Variants in MLF1 observed in about 807,000 individuals in gnomAD.
MLF1 encodes the protein myelodysplasia-myeloid leukemia factor 1.
A neutral mutation model predicts 38.3 loss-of-function variants in MLF1; 37 were observed. That is an observed-to-expected ratio of 0.96 (90% CI 0.74 to 1.27). The LOEUF is 1.27. MLF1 is among the 50% of genes most tolerant of loss of function. The probability of loss-of-function intolerance (pLI) is 0.00; values close to 1 mark genes in which losing one functional copy is unlikely to be tolerated. For synonymous variants in MLF1, 95 were observed against 106.5 expected (o/e 0.89, Z 0.66); for missense variants, 331 against 349.2 (o/e 0.95, Z 0.42).
chr3:158,584,388 A>G (rs1022963091), intron 1 of MLF1, among the ~76,000 whole-genome samples: 2 of 152,162 alleles, frequency 1.3e-5, no homozygotes, highest in African/African-American at 2.4e-5. Context: ...TTAATTACCT[A>G]TTTTTAAAAA....
rs1338107858 is a variant in MLF1 at position 158,592,571 on chromosome 3, A to G, written c.185A>G (p.Asp62Gly). 1 of 1,602,004 alleles carries G rather than the reference A, an allele frequency of 6.2e-7. No individual in the cohort carries two copies. The highest frequency in any genetic ancestry group is 8.5e-7 in the Non-Finnish European group (1 of 1,176,908). ...HNRRGHNDGE[D>G]SLTATSCSLV... ...CGTAGAGGACATAATGATGGTGAAGATTCTTTGACTGTAAGTTCTTTTTTT... is the reference window on the plus strand; with the variant it reads ...CGTAGAGGACATAATGATGGTGAAGGTTCTTTGACTGTAAGTTCTTTTTTT... The change falls in exon 2 of 8, where the codon GAT (aspartate) becomes GGT (glycine). Residue 62 changes from aspartate to glycine, a missense_variant. Transcript: ENST00000466246.
intron 1 of MLF1, chr3:158,582,784 G>T (rs1716604765): frequency 1.6e-6 from 1 of 631,538 alleles, no homozygotes; most frequent in Non-Finnish European, 2.8e-6. Context: ...GACTGTCTCA[G>T]ACAAACAAAA....
chr3:158,604,824 A>T (rs1300922475), intron 7 of MLF1, among the ~76,000 whole-genome samples: 1 of 151,968 alleles, frequency 6.6e-6, no homozygotes, highest in African/African-American at 2.4e-5. Flanking sequence ...ACGCCCAGCT[A>T]ATCTTTGTAT....
At chr3:158,576,900 C>T (rs571203231) in intron 1 of MLF1, among the ~76,000 whole-genome samples, 1 of 152,142 alleles carries the variant, frequency 6.6e-6, no homozygotes, top group East Asian at 1.9e-4. Flanking sequence ...TCTCGAACTC[C>T]TGATCTCGTG....
chr3:158,594,940 T>C (rs1718672663), intron 3 of MLF1, among the ~76,000 whole-genome samples: 1 of 152,134 alleles, frequency 6.6e-6, no homozygotes, highest in Non-Finnish European at 1.5e-5. Context: ...CTGTTGGATA[T>C]ATGGATTTGA....
At chr3:158,581,703 G>A (rs964492236) in intron 1 of MLF1, among the ~76,000 whole-genome samples, 3 of 152,140 alleles carry the variant, frequency 2.0e-5, no homozygotes, top group Non-Finnish European at 2.9e-5. Context: ...ACAGTTTGAA[G>A]AAACTGAACA....
chr3:158,598,337 T>G, intron 5 of MLF1, 129 bp downstream of exon 5: 6 of 787,764 alleles, frequency 7.6e-6, no homozygotes, highest in Non-Finnish European at 9.5e-6. Context: ...GGTGTGGGGG[T>G]TGGGGGTAAG....
intron 1 of MLF1, among the ~76,000 whole-genome samples, chr3:158,586,232 C>T (rs953478558): frequency 4.0e-5 from 6 of 150,122 alleles, no homozygotes; most frequent in Admixed American, 1.3e-4. Context: ...TTAATCTACA[C>T]TTGGACCCAT....
intron 1 of MLF1, among the ~76,000 whole-genome samples, chr3:158,571,710 G>A (rs981557230): frequency 9.8e-6 from 1 of 102,458 alleles, no homozygotes; most frequent in Admixed American, 9.9e-5. Flanking sequence ...CATGAGGTGG[G>A]GAGAAGAGGT....
At chr3:158,580,290 T>TA (rs138113242) in intron 1 of MLF1, among the ~76,000 whole-genome samples, 74 of 140,808 alleles carry the variant, frequency 5.3e-4, no homozygotes, top group African/African-American at 1.2e-3. Flanking sequence ...CCCCGGAACT[T>TA]AAAAAAAAAA....
chr3:158,591,941 A>G (rs1576671613), intron 1 of MLF1, among the ~76,000 whole-genome samples: 1 of 152,206 alleles, frequency 6.6e-6, no homozygotes, highest in African/African-American at 2.4e-5. Context: ...CAACTTAACG[A>G]TAAGATTACA....
At chr3:158,579,900 G>C (rs1346528467) in intron 1 of MLF1, among the ~76,000 whole-genome samples, 1 of 152,078 alleles carries the variant, frequency 6.6e-6, no homozygotes, top group Admixed American at 6.6e-5. Flanking sequence ...AGTGAGTTTG[G>C]AGCTGTAAGC....
At chr3:158,603,472 T>G (rs1227014376) in intron 7 of MLF1, among the ~76,000 whole-genome samples, 1 of 152,202 alleles carries the variant, frequency 6.6e-6, no homozygotes, top group Non-Finnish European at 1.5e-5. Flanking sequence ...TGCAAGAACA[T>G]TAGCTTCTTT....
At position 158,592,793 on chromosome 3, in the gene MLF1, G is replaced by C. The variant is rs373309053; in HGVS notation, c.195+212G>C. ...TTTCACTGTGCTACCAAAACTGTTA[G>C]GTCCATAGAAGCATATATTAGAAGC... On this transcript the variant is annotated intron_variant, in intron 2 of 7. Coordinates refer to ENST00000466246, the MANE Select transcript of MLF1 (RefSeq NM_001369783.1). 5.3e-5 allele frequency among the ~76,000 whole-genome samples: 8 copies of C among 152,134 alleles called. 1 individual carries two copies. The highest frequency in any genetic ancestry group is 3.9e-4 in the East Asian group (2 of 5,188).
At chr3:158,591,806 T>C (rs573046156) in intron 1 of MLF1, among the ~76,000 whole-genome samples, 2 of 152,050 alleles carry the variant, frequency 1.3e-5, no homozygotes, top group African/African-American at 4.8e-5. Flanking sequence ...TATCAGATTA[T>C]AGTGTTGGTA....
chr3:158,603,393 C>T (rs2108660297), intron 7 of MLF1, among the ~76,000 whole-genome samples: 1 of 152,284 alleles, frequency 6.6e-6, no homozygotes, highest in East Asian at 1.9e-4. Flanking sequence ...AAATTTCAGA[C>T]ACTTGTATAA....
rs141946436 is a variant in MLF1 at position 158,592,955 on chromosome 3, C to T, written c.195+374C>T. Among the ~76,000 whole-genome samples the T allele has an allele frequency of 4.0e-3, 607 of 152,112 alleles. 4 individuals carry two copies. The highest frequency in any genetic ancestry group is 0.014 in the African/African-American group (564 of 41,502). Reference sequence around the variant, plus strand: ...TTGTTTTAATACTTGAAAATAGTATCAAAAGCTACAAAGGATTGTCTTTAT... The same window carrying T: ...TTGTTTTAATACTTGAAAATAGTATTAAAAGCTACAAAGGATTGTCTTTAT... On this transcript the variant is annotated intron_variant, in intron 2 of 7. Coordinates refer to ENST00000466246, the MANE Select transcript of MLF1 (RefSeq NM_001369783.1).
At chr3:158,574,448 A>G (rs1033147417) in intron 1 of MLF1, among the ~76,000 whole-genome samples, 2 of 149,254 alleles carry the variant, frequency 1.3e-5, no homozygotes, top group African/African-American at 5.0e-5. Context: ...TGGGTGGATC[A>G]CCAGAGGTCA....
At chr3:158,600,351 A>G (rs1249475063) in intron 6 of MLF1, among the ~76,000 whole-genome samples, 178 bp downstream of exon 6, 1 of 151,856 alleles carries the variant, frequency 6.6e-6, no homozygotes, top group African/African-American at 2.4e-5. Flanking sequence ...GCTCTTTTTT[A>G]TAGTGATTTT....
Sources: allele counts gnomAD v4.1 joint callset (sites outside exome capture counted in the v4.1 genomes callset), GRCh38; gene constraint gnomAD v4.1.1; transcripts MANE v1.5; gene names NCBI Gene and HGNC (gene_info 2026-07-23, HGNC 2026-07-21).